BPNT1: variants seen among roughly 807,000 people sequenced by gnomAD.
BPNT1 encodes the protein 3'(2'), 5'-bisphosphate nucleotidase 1.
Under a neutral mutation model 36.9 loss-of-function variants are expected in BPNT1, and 28 were observed. The ratio of observed to expected loss-of-function variants is 0.76; its 90% CI spans 0.56 to 1.04. BPNT1 has a LOEUF of 1.04. BPNT1 is among the 50% of genes least tolerant of loss of function. The pLI is 0.00. For missense variants in BPNT1, 313 were observed against 372.9 expected (o/e 0.84, Z 1.32); for synonymous variants, 119 against 130.9 (o/e 0.91, Z 0.62).
chr1:220,073,406 A>G (rs1320864468), intron 3 of BPNT1, among the ~76,000 whole-genome samples: 2 of 151,848 alleles, frequency 1.3e-5, no homozygotes, highest in East Asian at 3.9e-4. Flanking sequence ...CTCCTTCCTC[A>G]GCCTCCTGAG....
At chr1:220,065,941 G>C in intron 6 of BPNT1, 1 of 511,456 alleles carries the variant, frequency 2.0e-6, no homozygotes, top group Non-Finnish European at 3.3e-6. Flanking sequence ...TACAGAGAGA[G>C]GTAATGAAGA....
chr1:220,087,457 A>T lies in BPNT1; in HGVS notation c.-9+2229T>A, dbSNP rs1017334727. Among the ~76,000 whole-genome samples the T allele has an allele frequency of 1.6e-4, 25 of 152,276 alleles. 1 individual carries two copies. The South Asian group carries it at 2.9e-3, about 18-fold the overall frequency. On this transcript the variant is annotated intron_variant, in intron 1 of 8. Transcript: ENST00000322067. Reference sequence around the variant, plus strand: ...GTAATCCCAGCTACTCAGGAGGCTGAGGCAGGAGAATTGCTTGAACCTGGG... The same window carrying T: ...GTAATCCCAGCTACTCAGGAGGCTGTGGCAGGAGAATTGCTTGAACCTGGG...
intron 6 of BPNT1, chr1:220,066,906 A>C (rs1663583273): frequency 6.6e-6 from 1 of 152,258 alleles, no homozygotes; most frequent in Non-Finnish European, 1.5e-5. Flanking sequence ...CTTGATGCCC[A>C]AGCTAATCAA....
chr1:220,088,188 A>C (rs1347661116), intron 1 of BPNT1, among the ~76,000 whole-genome samples: 3 of 151,506 alleles, frequency 2.0e-5, no homozygotes, highest in Non-Finnish European at 4.4e-5. Context: ...TTTATTTTTA[A>C]GATTGGCATA....
At chr1:220,084,480 G>GT (rs923546491) in intron 1 of BPNT1, among the ~76,000 whole-genome samples, 5 of 152,112 alleles carry the variant, frequency 3.3e-5, no homozygotes, top group African/African-American at 1.2e-4. Flanking sequence ...CAACTGATTT[G>GT]TTCTACCCAG....
Position 220,057,892 on chromosome 1 carries a change from T to G in BPNT1, c.*952A>C. 2 of 1,301,484 alleles carry G rather than the reference T, an allele frequency of 1.5e-6. No individual in the cohort carries two copies. The highest frequency in any genetic ancestry group is 2.0e-6 in the Non-Finnish European group (2 of 987,732). The allele number at this position is 1,301,484 out of a possible 1,614,324, so 80.6% of individuals were successfully genotyped here. A position where few individuals can be genotyped will look rare whatever the true frequency, so the allele number is the denominator to read the frequency against. On this transcript the variant is annotated 3_prime_UTR_variant, in exon 9 of 9. Coordinates refer to ENST00000322067, the MANE Select transcript of BPNT1 (RefSeq NM_006085.6). ...AAAATTGTGCCCTAAAGAAATCTGG[T>G]TTAGGCCAGGTGCGGTGGCTCACAC... is the stretch of plus-strand genomic sequence containing the variant.
chr1:220,066,417 A>G (rs991386271), intron 6 of BPNT1, among the ~76,000 whole-genome samples: 2 of 152,182 alleles, frequency 1.3e-5, no homozygotes, highest in African/African-American at 4.8e-5. Context: ...CCTAAGAAAC[A>G]CGATTCTTAA....
At chr1:220,067,258 ATTAT>A (rs1230149835) in intron 6 of BPNT1, 40 bp downstream of exon 6, 1 of 1,313,678 alleles carries the variant, frequency 7.6e-7, no homozygotes, top group Admixed American at 2.0e-5. Flanking sequence ...TAACACTATA[ATTAT>A]TTATCTAATG....
rs1662682036 is a variant in BPNT1, at chr1:220,058,027, A to C, written c.*817T>G. 1 of 583,142 alleles carries C rather than the reference A, an allele frequency of 1.7e-6. No homozygotes were observed. Among genetic ancestry groups the C allele is most frequent in the Non-Finnish European group, 2.5e-6 (1 of 398,304 alleles). The allele number at this position is 583,142 out of a possible 1,614,324, so 36.1% of individuals were successfully genotyped here. ...ACCTTCTCTACTAAAAATACAAAAAATTAGCCAGGCGTGGTGGCGGTGCCT... is the reference window on the plus strand; with the variant it reads ...ACCTTCTCTACTAAAAATACAAAAACTTAGCCAGGCGTGGTGGCGGTGCCT... On this transcript the variant is annotated 3_prime_UTR_variant, in exon 9 of 9. Coordinates refer to ENST00000322067, the MANE Select transcript of BPNT1 (RefSeq NM_006085.6).
At position 220,057,748 on chromosome 1, in the gene BPNT1, A is replaced by T. The variant is rs569158530; in HGVS notation, c.*1096T>A. ...AGAGCTAGGATTAAATAATTTATTTAAAAAAAACTTTTCTCATAAATCTGT... is the reference window on the plus strand; with the variant it reads ...AGAGCTAGGATTAAATAATTTATTTTAAAAAAACTTTTCTCATAAATCTGT... On this transcript the variant is annotated 3_prime_UTR_variant, in exon 9 of 9. Coordinates refer to ENST00000322067, the MANE Select transcript of BPNT1 (RefSeq NM_006085.6). 4.8e-5 allele frequency: 37 copies of T among 766,620 alleles called. No individual in the cohort carries two copies. The highest frequency in any genetic ancestry group is 4.7e-4 in the South Asian group (29 of 61,132). The allele number at this position is 766,620 out of a possible 1,614,324, so 47.5% of individuals were successfully genotyped here.
At position 220,067,320 on chromosome 1, in the gene BPNT1, C is replaced by T. The variant is rs777485080; in HGVS notation, c.456G>A (p.Gln152=). ...GTAATACCTCATAGTTGTAATATGG[C>T]TGGTTAATAACTCCTGCTATGGCTT... The part of the protein sequence containing the change: ...EGKAIAGVIN[Q]PYYNYEAGPD... The change falls in exon 6 of 9, where the codon CAG becomes CAA. Residue 152 remains glutamine (Q), a synonymous_variant. Transcript: ENST00000322067. 1 of 1,604,262 alleles carries T rather than the reference C, an allele frequency of 6.2e-7. No individual in the cohort carries two copies. The highest frequency in any genetic ancestry group is 1.1e-5 in the South Asian group (1 of 90,416).
intron 2 of BPNT1, among the ~76,000 whole-genome samples, chr1:220,078,585 A>G (rs1458751326): frequency 2.1e-5 from 3 of 145,368 alleles, no homozygotes; most frequent in African/African-American, 7.6e-5. Flanking sequence ...ATATGTATAT[A>G]ATAACACACA....
intron 6 of BPNT1, among the ~76,000 whole-genome samples, chr1:220,064,147 G>A (rs1488213265): frequency 6.6e-6 from 1 of 152,056 alleles, no homozygotes; most frequent in Non-Finnish European, 1.5e-5. Context: ...AATGAAATGT[G>A]GAACCATTAA....
Position 220,057,861 on chromosome 1 carries a change from C to A in BPNT1, c.*983G>T. The A allele has an allele frequency of 7.7e-7, 1 of 1,303,064 alleles. No individual in the cohort carries two copies. Among genetic ancestry groups the A allele is most frequent in the Non-Finnish European group, 1.0e-6 (1 of 988,412 alleles). The allele number at this position is 1,303,064 out of a possible 1,614,324, so 80.7% of individuals were successfully genotyped here. On this transcript the variant is annotated 3_prime_UTR_variant, in exon 9 of 9. Transcript: ENST00000322067. The stretch of plus-strand genomic sequence containing the variant: ...TACTGTGAAAAACAAGAGTGAGATT[C>A]CAGAAAAAATTGTGCCCTAAAGAAA...
rs1295015840 is a variant in BPNT1 at position 220,076,487 on chromosome 1, C to T, written c.121-2416G>A. Among the ~76,000 whole-genome samples the T allele has an allele frequency of 5.0e-5, 6 of 120,760 alleles. No homozygotes were observed. The East Asian group carries it at 1.2e-3, about 24-fold the overall frequency. The allele number at this position is 120,760 out of a possible 152,430, so 79.2% of individuals were successfully genotyped here. On this transcript the variant is annotated intron_variant, in intron 2 of 8. Transcript: ENST00000322067. ...CTGTACTCCAGCCTGGGTGACAGAG[C>T]AAGACTCCATCTCAAAAAAAAAAAA...
At chr1:220,068,382 C>T (rs2102669735) in intron 5 of BPNT1, among the ~76,000 whole-genome samples, 1 of 151,538 alleles carries the variant, frequency 6.6e-6, no homozygotes, top group South Asian at 2.1e-4. Context: ...AGGTGTTTCA[C>T]CATGTTGGCC....
chr1:220,062,343 T>C (rs530101386), intron 7 of BPNT1, among the ~76,000 whole-genome samples: 2 of 140,162 alleles, frequency 1.4e-5, no homozygotes, highest in Non-Finnish European at 3.0e-5. Flanking sequence ...CCTTCCTGTG[T>C]CCATGTGTTC....
At chr1:220,061,877 G>C (rs367752417) in intron 7 of BPNT1, among the ~76,000 whole-genome samples, 2 of 152,078 alleles carry the variant, frequency 1.3e-5, no homozygotes, top group South Asian at 4.1e-4. Flanking sequence ...AAACCTGGAT[G>C]AAAGAATGGG....
At chr1:220,070,482 AC>A (rs1249729725) in intron 4 of BPNT1, among the ~76,000 whole-genome samples, 8 of 152,030 alleles carry the variant, frequency 5.3e-5, no homozygotes, top group Non-Finnish European at 1.0e-4. Context: ...AGTAGCTGGG[AC>A]TACAGGCGCC....
Sources: allele counts gnomAD v4.1 joint callset (sites outside exome capture counted in the v4.1 genomes callset), GRCh38; gene constraint gnomAD v4.1.1; transcripts MANE v1.5; gene names NCBI Gene and HGNC (gene_info 2026-07-23, HGNC 2026-07-21).